NFIA: variants seen among roughly 807,000 people sequenced by gnomAD.
The protein encoded by NFIA is nuclear factor I A, also known as nuclear factor 1 A-type.
NFIA carries 8 observed loss-of-function variants against 62.8 expected under a neutral mutation model. The observed-to-expected ratio is 0.13, with a 90% CI of 0.07 to 0.23. The LOEUF is 0.23. Ranked by LOEUF, NFIA falls within the 10% of genes least tolerant of loss-of-function variation. The pLI is 1.00. For missense variants in NFIA, 410 were observed against 642.1 expected, an observed-to-expected ratio of 0.64 and a Z score of 3.91; for synonymous variants, 235 against 238.1, an observed-to-expected ratio of 0.99 and a Z score of 0.12.
chr1:61,307,201 C>A (rs893028013), intron 3 of NFIA, among the ~76,000 whole-genome samples: 2 of 152,092 alleles, frequency 1.3e-5, no homozygotes, highest in African/African-American at 4.8e-5. Context: ...AATCCTGACT[C>A]CATGGTGATG....
At chr1:61,158,613 A>T (rs1216200277) in intron 2 of NFIA, among the ~76,000 whole-genome samples, 1 of 152,204 alleles carries the variant, frequency 6.6e-6, no homozygotes, top group Non-Finnish European at 1.5e-5. Context: ...GAGAATCTCA[A>T]TGGAAGAGAT....
chr1:61,103,814 C>T (rs1646551801), intron 2 of NFIA, among the ~76,000 whole-genome samples: 1 of 152,132 alleles, frequency 6.6e-6, no homozygotes, highest in Non-Finnish European at 1.5e-5. Flanking sequence ...ATTTCTATTT[C>T]TTCACCCAAA....
intron 3 of NFIA, among the ~76,000 whole-genome samples, chr1:61,304,553 A>G (rs867092667): frequency 6.6e-6 from 1 of 152,180 alleles, no homozygotes; most frequent in Admixed American, 6.5e-5. Flanking sequence ...CTGCCTAGGA[A>G]CATGGAACTC....
intron 3 of NFIA, among the ~76,000 whole-genome samples, chr1:61,300,975 A>G (rs1659468706): frequency 6.6e-6 from 1 of 152,160 alleles, no homozygotes; most frequent in African/African-American, 2.4e-5. Context: ...TACATAGTTA[A>G]TAACATTGAG....
At chr1:61,391,260 A>ACT (rs1241361675) in intron 7 of NFIA, among the ~76,000 whole-genome samples, 17 of 152,142 alleles carry the variant, frequency 1.1e-4, no homozygotes, top group African/African-American at 3.9e-4. Flanking sequence ...ACAGGGTCTC[A>ACT]CTGTGTTACC....
chr1:61,241,381 A>G (rs1054703782), intron 2 of NFIA, among the ~76,000 whole-genome samples: 1 of 152,186 alleles, frequency 6.6e-6, no homozygotes, highest in African/African-American at 2.4e-5. Context: ...AAATTGGGAT[A>G]TCATTACCTC....
At chr1:61,357,306 G>C (rs1663014103) in intron 5 of NFIA, among the ~76,000 whole-genome samples, 1 of 152,176 alleles carries the variant, frequency 6.6e-6, no homozygotes, top group Non-Finnish European at 1.5e-5. Context: ...GCTTTCTTTG[G>C]CTAGGTCCTG....
At chr1:61,361,826 T>A in intron 6 of NFIA, among the ~76,000 whole-genome samples, 1 of 131,300 alleles carries the variant, frequency 7.6e-6, no homozygotes, top group African/African-American at 2.8e-5. Flanking sequence ...TGTGTGTGTG[T>A]ACGTACACAT....
intron 2 of NFIA, among the ~76,000 whole-genome samples, chr1:61,152,453 C>T (rs1415350308): frequency 2.0e-5 from 3 of 152,158 alleles, no homozygotes; most frequent in Non-Finnish European, 4.4e-5. Flanking sequence ...AAATAAAATC[C>T]TTTCCAAGGC....
At chr1:61,082,897 G>C (rs1646140072) in intron 1 of NFIA, 79 bp downstream of exon 1, 2 of 1,426,162 alleles carry the variant, frequency 1.4e-6, no homozygotes, top group African/African-American at 3.0e-5. Flanking sequence ...GGGGCACCGG[G>C]GCCGTCGCTC....
intron 10 of NFIA, among the ~76,000 whole-genome samples, chr1:61,453,222 C>T (rs1378898844): frequency 6.6e-6 from 1 of 152,004 alleles, no homozygotes; most frequent in African/African-American, 2.4e-5. Flanking sequence ...GGGAGGAGAG[C>T]AGAGGGTTTC....
intron 2 of NFIA, among the ~76,000 whole-genome samples, chr1:61,184,373 TA>T (rs532139690): frequency 2.0e-5 from 3 of 152,226 alleles, no homozygotes; most frequent in African/African-American, 7.2e-5. Flanking sequence ...TCCTTGTTTC[TA>T]AAAAACTTGC....
At chr1:61,320,940 A>C (rs1318542174) in intron 3 of NFIA, among the ~76,000 whole-genome samples, 2 of 152,146 alleles carry the variant, frequency 1.3e-5, no homozygotes, top group African/African-American at 2.4e-5. Flanking sequence ...CATAAGCAGA[A>C]ACTAAAGCTA....
intron 6 of NFIA, among the ~76,000 whole-genome samples, chr1:61,362,757 G>T (rs935110084): frequency 6.6e-6 from 1 of 152,172 alleles, no homozygotes; most frequent in Non-Finnish European, 1.5e-5. Flanking sequence ...TTACAATGCT[G>T]CATTTGTCTC....
At chr1:61,242,658 T>C (rs1489570371) in intron 2 of NFIA, among the ~76,000 whole-genome samples, 1 of 152,204 alleles carries the variant, frequency 6.6e-6, no homozygotes, top group Non-Finnish European at 1.5e-5. Context: ...GTTTAGTCAG[T>C]GAATTCCTTA....
intron 8 of NFIA, 149 bp from the exon 9 acceptor site, chr1:61,406,413 G>A: frequency 2.8e-6 from 2 of 706,812 alleles, no homozygotes; most frequent in Non-Finnish European, 4.7e-6. Flanking sequence ...ATTTCCGTAT[G>A]GGCTTATGGA....
At chr1:61,196,932 T>C (rs868329960) in intron 2 of NFIA, among the ~76,000 whole-genome samples, 3 of 104,392 alleles carry the variant, frequency 2.9e-5, no homozygotes, top group Admixed American at 8.7e-5. Flanking sequence ...TGTGTGTGTG[T>C]GTGTGTGTGC....
At chr1:61,225,936 C>A (rs1180589269) in intron 2 of NFIA, among the ~76,000 whole-genome samples, 1 of 152,012 alleles carries the variant, frequency 6.6e-6, no homozygotes, top group East Asian at 1.9e-4. Flanking sequence ...CTTTAAGGGA[C>A]CATAAACTTA....
intron 2 of NFIA, among the ~76,000 whole-genome samples, chr1:61,189,614 G>A (rs12142197): frequency 0.078 from 11,940 of 152,142 alleles, 646 homozygotes; most frequent in South Asian, 0.14. Flanking sequence ...GCAGTGAGCC[G>A]AGATCGGGCC....
Sources: gnomAD v4.1 joint callset for allele counts (sites outside exome capture counted in the v4.1 genomes callset) on GRCh38, gnomAD v4.1.1 for gene constraint, MANE v1.5 for transcripts, NCBI Gene and HGNC (gene_info 2026-07-23, HGNC 2026-07-21) for gene names.